Variants in TUBB8 observed in about 807,000 individuals in gnomAD.
The protein encoded by TUBB8 is tubulin beta-8 chain.
TUBB8 carries 25 observed loss-of-function variants against 33.7 expected under a neutral mutation model. The observed-to-expected ratio is 0.74, with a 90% CI of 0.54 to 1.04. TUBB8 has a LOEUF of 1.04. Ranked by LOEUF, TUBB8 falls within the 50% of genes least tolerant of loss-of-function variation. The pLI, the probability that TUBB8 is intolerant of heterozygous loss-of-function variation, is 0.00. For synonymous variants in TUBB8, 245 were observed against 240.1 expected (o/e 1.02, Z -0.19); for missense variants, 279 against 608.0 (o/e 0.46, Z 5.69).
chr10:62,166 G>A (rs1390769239), intron 1 of TUBB8, among the ~76,000 whole-genome samples: 4 of 152,054 alleles, frequency 2.6e-5, no homozygotes, highest in South Asian at 2.1e-4. Context: ...TCCTCTCATC[G>A]TTCTTTTCTT....
chr10:52,612 A>C (rs1224750208), upstream of TUBB8, among the ~76,000 whole-genome samples: 2 of 152,242 alleles, frequency 1.3e-5, no homozygotes, highest in Non-Finnish European at 2.9e-5. Flanking sequence ...TATTCGTTTT[A>C]ACAATGACCA....
intron 1 of TUBB8, among the ~76,000 whole-genome samples, chr10:63,996 G>A (rs1481537364): frequency 2.6e-5 from 4 of 152,158 alleles, no homozygotes; most frequent in Non-Finnish European, 5.9e-5. Context: ...TAGCAAACAC[G>A]TAAAGGTACT....
chr10:73,303 A>G (rs1407813643), intron 1 of TUBB8, among the ~76,000 whole-genome samples: 12 of 152,188 alleles, frequency 7.9e-5, no homozygotes, highest in African/African-American at 2.9e-4. Flanking sequence ...CTACTTTTCC[A>G]TTTTCCTGTG....
Position 71,479 on chromosome 10 carries a change from C to T in TUBB8, c.-846+2490G>A, listed in dbSNP as rs570615120. Among the ~76,000 whole-genome samples, 13 of 149,170 alleles carry T rather than the reference C, an allele frequency of 8.7e-5. No homozygotes were observed. In the South Asian group the frequency reaches 2.8e-3, roughly 32 times the overall value. On this transcript the variant is annotated intron_variant, in intron 1 of 3. Transcript: ENST00000564130. ...TGAAACCCCATCTCTACTAAAAATA[C>T]AAAATTAGCCGCATGCCTGTAATCC...
At chr10:66,648 TGAAAAAGAAA>T (rs1485882470) in intron 1 of TUBB8, among the ~76,000 whole-genome samples, 1 of 151,954 alleles carries the variant, frequency 6.6e-6, no homozygotes, top group Non-Finnish European at 1.5e-5. Flanking sequence ...AACCATGCCT[TGAAAAAGAAA>T]GAAAAAGAAA....
chr10:46,711 C>A (rs1834332073), downstream of TUBB8: 1 of 360,258 alleles, frequency 2.8e-6, no homozygotes, highest in Non-Finnish European at 5.1e-6. Flanking sequence ...AGGGCATCCC[C>A]AAGTTCATGT....
upstream of TUBB8, among the ~76,000 whole-genome samples, chr10:74,625 C>CAAAAAAAAAAAAAAAAAGAAAAAAAGAAA (rs1834784652): frequency 2.2e-5 from 2 of 89,680 alleles, no homozygotes; most frequent in African/African-American, 8.9e-5. Context: ...GACTCAGTAT[C>CAAAAAAAAAAAAAAAAAGAAAAAAAGAAA]AAAAAAAAAA....
At chr10:73,152 A>G (rs1322387967) in intron 1 of TUBB8, among the ~76,000 whole-genome samples, 30 of 152,256 alleles carry the variant, frequency 2.0e-4, no homozygotes, top group African/African-American at 6.5e-4. Context: ...ACAAAAGAAA[A>G]ACTGTTGTTG....
At chr10:65,617 C>A (rs1554741484) in intron 1 of TUBB8, among the ~76,000 whole-genome samples, 1 of 152,174 alleles carries the variant, frequency 6.6e-6, no homozygotes, top group East Asian at 1.9e-4. Context: ...CCTAGCTACT[C>A]AGGTGGCTGA....
intron 1 of TUBB8, 29 bp from the exon 2 acceptor site, chr10:48,941 C>A: frequency 7.0e-7 from 1 of 1,423,608 alleles, no homozygotes; most frequent in Non-Finnish European, 9.6e-7. Context: ...GACAGACAGG[C>A]CGGGGCTGAG....
intron 1 of TUBB8, among the ~76,000 whole-genome samples, chr10:64,137 G>A (rs1375096638): frequency 2.0e-5 from 3 of 152,102 alleles, no homozygotes; most frequent in Non-Finnish European, 2.9e-5. Flanking sequence ...TGGAGCTGGA[G>A]TTGGGGTAAC....
intron 1 of TUBB8, among the ~76,000 whole-genome samples, chr10:61,921 T>G (rs1306194767): frequency 6.6e-6 from 1 of 152,212 alleles, no homozygotes; most frequent in East Asian, 1.9e-4. Flanking sequence ...TTTCTGTTCT[T>G]TTTTGGTTTC....
chr10:55,258 A>G (rs1188397891), intron 1 of TUBB8, among the ~76,000 whole-genome samples: 3 of 152,220 alleles, frequency 2.0e-5, no homozygotes, highest in Non-Finnish European at 4.4e-5. Context: ...ACTCATTGTC[A>G]GAAGAACAAC....
chr10:67,920 C>G (rs1288181032), intron 1 of TUBB8, among the ~76,000 whole-genome samples: 2 of 152,196 alleles, frequency 1.3e-5, no homozygotes, highest in Non-Finnish European at 2.9e-5. Context: ...CATATGCGTG[C>G]AAGTACAACC....
chr10:48,389 G>A (rs1163686632), intron 3 of TUBB8: 15 of 637,950 alleles, frequency 2.4e-5, no homozygotes, highest in Non-Finnish European at 4.2e-5. Context: ...CCCCAGCTCA[G>A]GTTCTTGCAG....
chr10:74,663 A>T (rs1834786116), upstream of TUBB8, among the ~76,000 whole-genome samples: 1 of 149,800 alleles, frequency 6.7e-6, no homozygotes, highest in African/African-American at 2.5e-5. Flanking sequence ...AAAAAGAAAA[A>T]AATAGAAAGA....
intron 1 of TUBB8, among the ~76,000 whole-genome samples, chr10:67,640 G>A (rs1554741778): frequency 6.6e-6 from 1 of 152,154 alleles, no homozygotes; most frequent in Non-Finnish European, 1.5e-5. Context: ...TAGCCAGGAT[G>A]GTATTGATCT....
upstream of TUBB8, among the ~76,000 whole-genome samples, chr10:74,668 GAAAGAAGGAAA>G (rs1242272290): frequency 3.4e-5 from 5 of 147,138 alleles, no homozygotes; most frequent in African/African-American, 1.0e-4. Flanking sequence ...GAAAAAAATA[GAAAGAAGGAAA>G]AAAGAAGGAA....
chr10:63,672 T>C (rs1834631151), intron 1 of TUBB8, among the ~76,000 whole-genome samples: 1 of 152,240 alleles, frequency 6.6e-6, no homozygotes, highest in African/African-American at 2.4e-5. Context: ...ATTTATCTGA[T>C]AGAATTTTGA....
Sources: allele counts gnomAD v4.1 joint callset (sites outside exome capture counted in the v4.1 genomes callset), GRCh38; gene constraint gnomAD v4.1.1; transcripts MANE v1.5; gene names NCBI Gene and HGNC (gene_info 2026-07-23, HGNC 2026-07-21).